The following ATP2C1 variants were observed in gnomAD, a reference collection of about 807,000 sequenced individuals.
The protein encoded by ATP2C1 is calcium-transporting ATPase type 2C member 1.
ATP2C1 carries 31 observed loss-of-function variants against 120.5 expected under a neutral mutation model. That is an observed-to-expected ratio of 0.26 (90% CI 0.19 to 0.35). The LOEUF is 0.35. ATP2C1 is among the 10% of genes least tolerant of loss of function. The probability of loss-of-function intolerance (pLI) is 1.00; values close to 1 mark genes in which losing one functional copy is unlikely to be tolerated. For synonymous variants in ATP2C1, 351 were observed against 358.7 expected, an observed-to-expected ratio of 0.98 and a Z score of 0.24; for missense variants, 731 against 1,107.5, an observed-to-expected ratio of 0.66 and a Z score of 4.83.
At chr3:130,977,186 GC>G (rs2061560476) in intron 18 of ATP2C1, among the ~76,000 whole-genome samples, 1 of 152,170 alleles carries the variant, frequency 6.6e-6, no homozygotes, top group African/African-American at 2.4e-5. Flanking sequence ...AGGGGCAGTG[GC>G]AGCTCCACTG....
intron 1 of ATP2C1, among the ~76,000 whole-genome samples, chr3:130,855,371 G>A (rs1214428918): frequency 6.6e-6 from 1 of 152,170 alleles, no homozygotes; most frequent in Non-Finnish European, 1.5e-5. Flanking sequence ...TGGAAAAAGG[G>A]GACTTTGTAA....
chr3:130,937,184 G>C (rs1192376948), intron 5 of ATP2C1, among the ~76,000 whole-genome samples: 2 of 152,170 alleles, frequency 1.3e-5, no homozygotes, highest in Non-Finnish European at 2.9e-5. Context: ...TCCTCAATTT[G>C]TGAGAGCATA....
At position 131,016,216 on chromosome 3, in the gene ATP2C1, T is replaced by G. The variant is rs1408041474; in HGVS notation, c.*27T>G. The G allele has an allele frequency of 4.3e-6, 7 of 1,614,192 alleles. No individual in the cohort carries two copies. The South Asian group carries it at 7.7e-5, about 18-fold the overall frequency. On this transcript the variant is annotated 3_prime_UTR_variant, in exon 27 of 27. Coordinates refer to the ATP2C1 transcript ENST00000328560. ...ATACATCCCCATCTGGAGACAGGAC[T>G]GCCACTGACAGAAGATGTGAGCTGT...
Position 130,941,252 on chromosome 3 carries a change from G to GTGTGTGTC in ATP2C1, c.423-332_423-331insCTGTGTGT, listed in dbSNP as rs371546814. 0.12 allele frequency among the ~76,000 whole-genome samples: 16,556 copies of GTGTGTGTC among 143,808 alleles called. 1,036 individuals carry two copies. Among genetic ancestry groups the GTGTGTGTC allele is most frequent in the Middle Eastern group, 0.16 (45 of 286 alleles). 94.3% of individuals were successfully genotyped at this position (143,808 alleles called of 152,430 possible). ...TGTGTGTGTGTGTGTGTGTGTGTGT[G>GTGTGTGTC]TGTGTGTGTGTGTCTGTGTGTGTGC... On this transcript the variant is annotated intron_variant, in intron 7 of 27. Transcript: ENST00000510168.
chr3:130,979,158 G>C, intron 18 of ATP2C1, 91 bp from the exon 19 acceptor site: 1 of 1,207,540 alleles, frequency 8.3e-7, no homozygotes, highest in Non-Finnish European at 1.2e-6. Context: ...TATTTAAGAA[G>C]TGTTACTGTC....
intron 2 of ATP2C1, among the ~76,000 whole-genome samples, chr3:130,903,993 T>C (rs1474787537): frequency 6.6e-6 from 1 of 152,014 alleles, no homozygotes; most frequent in East Asian, 1.9e-4. Context: ...CTTCCCAGAG[T>C]GGCAGTATAA....
At position 131,002,915 on chromosome 3, in the gene ATP2C1, G is replaced by GT; in HGVS notation, c.*1567dup. On this transcript the variant is annotated 3_prime_UTR_variant, in exon 28 of 28. Transcript: ENST00000510168. ...TGTCAAATGTACATTGTTCCATGTC[G>GT]TTAGATGGAACATGGAAGCCATTGT... The GT allele has an allele frequency of 1.0e-6, 1 of 985,622 alleles. No homozygotes were observed. Among genetic ancestry groups the GT allele is most frequent in the Non-Finnish European group, 1.2e-6 (1 of 829,800 alleles). 61.1% of individuals were successfully genotyped at this position (985,622 alleles called of 1,614,324 possible).
At chr3:130,957,587 C>A (rs974435994) in intron 11 of ATP2C1, among the ~76,000 whole-genome samples, 1 of 152,108 alleles carries the variant, frequency 6.6e-6, no homozygotes, top group African/African-American at 2.4e-5. Flanking sequence ...ATTCTTGTTG[C>A]TCAGGCTGAA....
At chr3:131,016,594 G>T (rs2063642386) in exon 27 of ATP2C1, 1 of 495,454 alleles carries the variant, frequency 2.0e-6, no homozygotes, top group African/African-American at 1.9e-5. Flanking sequence ...TTTTCCACTG[G>T]TCTACTACCT....
intron 1 of ATP2C1, among the ~76,000 whole-genome samples, chr3:130,872,688 G>A (rs1000656724): frequency 2.6e-5 from 4 of 151,796 alleles, no homozygotes; most frequent in African/African-American, 7.3e-5. Context: ...GGGTTCAAGC[G>A]ATTCTCCTGC....
At chr3:131,013,899 AAAAAC>A (rs1273647779) in intron 26 of ATP2C1, 1 of 566,358 alleles carries the variant, frequency 1.8e-6, no homozygotes, top group Non-Finnish European at 3.0e-6. Context: ...TGTATTTATT[AAAAAC>A]AAAATACAAA....
chr3:130,968,403 G>T (rs1454300027), intron 16 of ATP2C1, among the ~76,000 whole-genome samples: 1 of 152,164 alleles, frequency 6.6e-6, no homozygotes, highest in African/African-American at 2.4e-5. Context: ...CAAGACAGCA[G>T]ACACTGAAAT....
intron 19 of ATP2C1, among the ~76,000 whole-genome samples, chr3:130,979,952 A>T (rs1365520986): frequency 6.6e-6 from 1 of 152,218 alleles, no homozygotes; most frequent in Non-Finnish European, 1.5e-5. Context: ...GATAAATTTA[A>T]CAGTTGGCTA....
At chr3:130,893,668 C>T (rs2107889753), upstream of ATP2C1, among the ~76,000 whole-genome samples, 1 of 152,352 alleles carries the variant, frequency 6.6e-6, no homozygotes, top group South Asian at 2.1e-4. Flanking sequence ...TTAAACGCCT[C>T]GGGGACAGCG....
intron 1 of ATP2C1, among the ~76,000 whole-genome samples, chr3:130,874,941 T>C (rs2068553310): frequency 6.6e-6 from 1 of 152,208 alleles, no homozygotes; most frequent in Non-Finnish European, 1.5e-5. Context: ...CACTGAGAAA[T>C]ATTAACTTAG....
At chr3:130,996,821 C>G (rs1270234414) in intron 24 of ATP2C1, 25 bp downstream of exon 24, 1 of 1,455,286 alleles carries the variant, frequency 6.9e-7, no homozygotes, top group South Asian at 1.1e-5. Context: ...ATTGCATGAG[C>G]TGGAAAGACA....
chr3:130,971,167 G>A (rs935518955), intron 17 of ATP2C1, among the ~76,000 whole-genome samples: 2 of 152,108 alleles, frequency 1.3e-5, no homozygotes, highest in African/African-American at 4.8e-5. Context: ...ATTACATTTT[G>A]TAAACCATCA....
chr3:130,993,834 T>C (rs2062470119), intron 21 of ATP2C1, 98 bp from the exon 22 acceptor site: 1 of 1,209,008 alleles, frequency 8.3e-7, no homozygotes, highest in Non-Finnish European at 1.2e-6. Context: ...TAATCTTAAT[T>C]ATGTGAAAAA....
Position 131,001,446 on chromosome 3 carries a change from T to A in ATP2C1, c.*96T>A, listed in dbSNP as rs1349778605. ...GAGGATATGAAGATTTGAGAACTTT[T>A]TAACTATTCATTGACTAAAAATGAA... is the stretch of plus-strand genomic sequence containing the variant. On this transcript the variant is annotated 3_prime_UTR_variant, in exon 28 of 28. Coordinates refer to ENST00000510168, the MANE Select transcript of ATP2C1 (RefSeq NM_001378687.1). The A allele has an allele frequency of 6.7e-7, 1 of 1,503,426 alleles. No individual in the cohort carries two copies. The allele number at this position is 1,503,426 out of a possible 1,614,324, so 93.1% of individuals were successfully genotyped here.
Sources: allele counts gnomAD v4.1 joint callset (sites outside exome capture counted in the v4.1 genomes callset), GRCh38; gene constraint gnomAD v4.1.1; transcripts MANE v1.5; gene names NCBI Gene and HGNC (gene_info 2026-07-23, HGNC 2026-07-21).